The following PARP16 variants were observed in gnomAD, a reference collection of about 807,000 sequenced individuals.
PARP16 encodes the protein poly(ADP-ribose) polymerase family member 16.
Under a neutral mutation model 35.0 loss-of-function variants are expected in PARP16, and 31 were observed. The ratio of observed to expected loss-of-function variants is 0.88; its 90% CI spans 0.66 to 1.19. The LOEUF is 1.19. Among genes scored for constraint, PARP16 ranks in the 50% most tolerant of loss-of-function variants. PARP16 has a pLI of 0.00. For synonymous variants in PARP16, 162 were observed against 169.5 expected, an observed-to-expected ratio of 0.96 and a Z score of 0.34; for missense variants, 424 against 411.2, an observed-to-expected ratio of 1.03 and a Z score of -0.27.
downstream of PARP16, among the ~76,000 whole-genome samples, chr15:65,256,687 G>A (rs1010584184): frequency 1.3e-5 from 2 of 152,066 alleles, no homozygotes; most frequent in South Asian, 2.1e-4. Context: ...GATTACAGGC[G>A]TGAGCCACCG....
downstream of PARP16, among the ~76,000 whole-genome samples, chr15:65,256,346 A>G (rs188666030): frequency 3.7e-4 from 56 of 152,076 alleles, 1 homozygote; most frequent in African/African-American, 1.1e-3. Context: ...TGATTTTTCT[A>G]AAAACCGTAT....
rs75569967 is a variant in PARP16 at position 65,237,701 on chromosome 15, C to G, written c.*98-2878G>C. Among the ~76,000 whole-genome samples the G allele has an allele frequency of 3.5e-4, 54 of 152,314 alleles. No individual in the cohort carries two copies. In the East Asian group the frequency reaches 9.3e-3, roughly 26 times the overall value. On this transcript the variant is annotated intron_variant and NMD_transcript_variant, in intron 3 of 3. Transcript: ENST00000559805. Reference sequence around the variant, plus strand: ...AGAGGGAGTACAGCCCTGCCAACACCTTGATTTTGGCCCAGTGGTCTGATC... The same window carrying G: ...AGAGGGAGTACAGCCCTGCCAACACGTTGATTTTGGCCCAGTGGTCTGATC...
chr15:65,232,752 A>C (rs370616851), downstream of PARP16, among the ~76,000 whole-genome samples: 2 of 152,200 alleles, frequency 1.3e-5, no homozygotes, highest in African/African-American at 2.4e-5. Context: ...AAAAGAAAAA[A>C]CAAATAAATA....
chr15:65,259,901 G>C (rs1214224400), intron 5 of PARP16, among the ~76,000 whole-genome samples: 1 of 152,206 alleles, frequency 6.6e-6, no homozygotes, highest in Non-Finnish European at 1.5e-5. Flanking sequence ...TTTAGCTGAA[G>C]TCTTTTCACT....
intron 2 of PARP16, among the ~76,000 whole-genome samples, chr15:65,267,343 C>T (rs986906858): frequency 4.6e-5 from 7 of 151,824 alleles, no homozygotes; most frequent in African/African-American, 1.7e-4. Context: ...TGCGGTGGCT[C>T]ACACCTGTAA....
chr15:65,248,334 A>G (rs935406724), intron 2 of PARP16: 7 of 454,426 alleles, frequency 1.5e-5, no homozygotes, highest in Admixed American at 2.4e-5. Context: ...AAATAGGCAT[A>G]TGTGCTTTCA....
At chr15:65,233,744 A>T (rs925706207), downstream of PARP16, among the ~76,000 whole-genome samples, 74 of 142,768 alleles carry the variant, frequency 5.2e-4, no homozygotes, top group South Asian at 6.4e-4. Flanking sequence ...ACAAAAATTA[A>T]AAAAAAAAAA....
At chr15:65,256,698 C>G (rs747835554), downstream of PARP16, among the ~76,000 whole-genome samples, 6 of 152,208 alleles carry the variant, frequency 3.9e-5, no homozygotes, top group Middle Eastern at 3.4e-3. Flanking sequence ...TGAGCCACCG[C>G]GCCCGGCCGC....
intron 3 of PARP16, among the ~76,000 whole-genome samples, chr15:65,237,181 G>A (rs2140716115): frequency 6.6e-6 from 1 of 152,148 alleles, no homozygotes; most frequent in South Asian, 2.1e-4. Context: ...TCCCACACAG[G>A]CTGAAGCCAG....
intron 5 of PARP16, 53 bp downstream of exon 5, chr15:65,260,832 C>A: frequency 6.3e-7 from 1 of 1,580,208 alleles, no homozygotes; most frequent in Non-Finnish European, 8.7e-7. Flanking sequence ...CCTACAACAA[C>A]TAAGAAAGCC....
chr15:65,231,284 ATT>A (rs1426150972), downstream of PARP16, among the ~76,000 whole-genome samples: 8 of 152,082 alleles, frequency 5.3e-5, no homozygotes, highest in African/African-American at 1.9e-4. Flanking sequence ...GTCCATTTAC[ATT>A]TATTAATATA....
intron 3 of PARP16, among the ~76,000 whole-genome samples, chr15:65,265,758 G>A (rs1315230046): frequency 6.6e-6 from 1 of 152,142 alleles, no homozygotes; most frequent in Non-Finnish European, 1.5e-5. Context: ...GAGCTACCAG[G>A]TGATGCAGAC....
At chr15:65,234,234 C>T (rs2088822674), downstream of PARP16, among the ~76,000 whole-genome samples, 1 of 152,136 alleles carries the variant, frequency 6.6e-6, no homozygotes, top group Non-Finnish European at 1.5e-5. Flanking sequence ...CCATGTCTGC[C>T]TCCAAAGCAC....
intron 1 of PARP16, among the ~76,000 whole-genome samples, chr15:65,277,622 C>T (rs1461544848): frequency 6.6e-6 from 1 of 152,248 alleles, no homozygotes; most frequent in Non-Finnish European, 1.5e-5. Flanking sequence ...GGGCACACAG[C>T]TATTCAGTGG....
chr15:65,273,281 A>AAAAAAAAAAAAAAAAAAAAAAAAAAAAC (rs2090147773), intron 1 of PARP16, among the ~76,000 whole-genome samples: 1 of 148,362 alleles, frequency 6.7e-6, no homozygotes, highest in Non-Finnish European at 1.5e-5. Context: ...TGTCTCAAAA[A>AAAAAAAAAAAAAAAAAAAAAAAAAAAAC]AAAAAAAAAA....
At chr15:65,279,606 G>C (rs1201498899) in intron 1 of PARP16, among the ~76,000 whole-genome samples, 1 of 152,120 alleles carries the variant, frequency 6.6e-6, no homozygotes, top group Non-Finnish European at 1.5e-5. Context: ...TCTTTGAGAG[G>C]AGCAGAGAAA....
chr15:65,277,024 AT>A (rs1451602524), intron 1 of PARP16, among the ~76,000 whole-genome samples: 3 of 152,076 alleles, frequency 2.0e-5, no homozygotes, highest in Non-Finnish European at 4.4e-5. Flanking sequence ...TTAAATTCAA[AT>A]TTAACTAGGT....
chr15:65,281,399 C>T (rs958240198), intron 1 of PARP16, among the ~76,000 whole-genome samples: 2 of 152,162 alleles, frequency 1.3e-5, no homozygotes, highest in Admixed American at 6.5e-5. Flanking sequence ...AGTGTAAAAT[C>T]AGAGAGCTGG....
intron 1 of PARP16, among the ~76,000 whole-genome samples, chr15:65,279,722 A>G (rs757214530): frequency 2.0e-5 from 3 of 152,170 alleles, no homozygotes; most frequent in Non-Finnish European, 4.4e-5. Context: ...TTTCCTCACC[A>G]TCCAGCAGGT....
Sources: gnomAD v4.1 joint callset for allele counts (sites outside exome capture counted in the v4.1 genomes callset) on GRCh38, gnomAD v4.1.1 for gene constraint, MANE v1.5 for transcripts, NCBI Gene and HGNC (gene_info 2026-07-23, HGNC 2026-07-21) for gene names.